The following NELL1 variants were observed in gnomAD, a reference collection of about 807,000 sequenced individuals.
NELL1 encodes the protein protein kinase C-binding protein NELL1.
NELL1 carries 76 observed loss-of-function variants against 107.4 expected under a neutral mutation model. The ratio of observed to expected loss-of-function variants is 0.71; its 90% CI spans 0.59 to 0.86. The LOEUF (loss-of-function observed/expected upper bound fraction) is 0.86, where lower values mean the gene tolerates loss of function less well. Among genes scored for constraint, NELL1 ranks in the 40% least tolerant of loss-of-function variants. NELL1 has a pLI of 0.00. For synonymous variants in NELL1, 353 were observed against 341.2 expected (o/e 1.03, Z -0.38); for missense variants, 1,024 against 1,005.5 (o/e 1.02, Z -0.25).
chr11:21,514,321 T>A (rs1855506824), intron 15 of NELL1, among the ~76,000 whole-genome samples: 6 of 152,216 alleles, frequency 3.9e-5, no homozygotes, highest in Admixed American at 3.9e-4. Flanking sequence ...AATGAAGATG[T>A]TGGAGTTCCA....
intron 4 of NELL1, among the ~76,000 whole-genome samples, chr11:20,868,389 G>T (rs528301406): frequency 2.0e-5 from 3 of 152,280 alleles, no homozygotes; most frequent in East Asian, 1.9e-4. Flanking sequence ...TGGGGGGAGG[G>T]TGAATGGAAA....
intron 13 of NELL1, among the ~76,000 whole-genome samples, chr11:21,215,243 C>T (rs1857588284): frequency 6.6e-6 from 1 of 152,142 alleles, no homozygotes; most frequent in Non-Finnish European, 1.5e-5. Flanking sequence ...CTTGTGGCCA[C>T]CATGTAAAGA....
intron 14 of NELL1, among the ~76,000 whole-genome samples, chr11:21,329,608 CT>C (rs369617765): frequency 2.2e-3 from 332 of 152,108 alleles, no homozygotes; most frequent in African/African-American, 7.8e-3. Context: ...ATAAATTATC[CT>C]TCTTTTTAAA....
intron 15 of NELL1, among the ~76,000 whole-genome samples, chr11:21,422,150 CAAGA>C (rs1852694473): frequency 6.6e-6 from 1 of 151,028 alleles, no homozygotes; most frequent in African/African-American, 2.4e-5. Context: ...TGTACACGTG[CAAGA>C]GAGAGAGAAG....
chr11:21,443,813 C>A (rs957429393), intron 15 of NELL1, among the ~76,000 whole-genome samples: 1 of 151,080 alleles, frequency 6.6e-6, no homozygotes, highest in Non-Finnish European at 1.5e-5. Context: ...TTACACCCTG[C>A]ACTCTACTGC....
chr11:20,678,897 G>C (rs1056358547), intron 2 of NELL1, among the ~76,000 whole-genome samples: 1 of 152,156 alleles, frequency 6.6e-6, no homozygotes, highest in African/African-American at 2.4e-5. Context: ...ATTCAAATCA[G>C]CAAAGTGATA....
intron 14 of NELL1, chr11:21,259,995 A>G (rs1858865019): frequency 6.6e-6 from 1 of 151,990 alleles, no homozygotes; most frequent in Non-Finnish European, 1.5e-5. Flanking sequence ...ACAACTCAGC[A>G]TAGTTCTCAA....
At chr11:20,798,035 G>A (rs1857208112) in intron 3 of NELL1, among the ~76,000 whole-genome samples, 1 of 152,200 alleles carries the variant, frequency 6.6e-6, no homozygotes, top group Non-Finnish European at 1.5e-5. Flanking sequence ...TGGATTCTGA[G>A]ATTCCATCAT....
intron 13 of NELL1, among the ~76,000 whole-genome samples, chr11:21,158,115 C>T (rs970727803): frequency 1.3e-5 from 2 of 152,172 alleles, no homozygotes; most frequent in African/African-American, 4.8e-5. Context: ...CTTTCTCCCA[C>T]ACTAGATGCT....
At chr11:21,123,217 T>C (rs1855410174) in intron 13 of NELL1, among the ~76,000 whole-genome samples, 1 of 152,104 alleles carries the variant, frequency 6.6e-6, no homozygotes, top group Non-Finnish European at 1.5e-5. Flanking sequence ...GAAAGATAAA[T>C]AGAATCAAGA....
At chr11:21,222,254 A>G (rs773784289) in intron 13 of NELL1, among the ~76,000 whole-genome samples, 1 of 152,084 alleles carries the variant, frequency 6.6e-6, no homozygotes, top group African/African-American at 2.4e-5. Context: ...ATCTTGGCTC[A>G]CTGCAAGCTC....
At position 21,357,495 on chromosome 11, in the gene NELL1, G is replaced by T. The variant is rs531461536; in HGVS notation, c.1550-13358G>T. ...TCATGTCCTTAGCCCACTTTTTAAA[G>T]GATTATTTGTTTTTTCTTGCTGACT... On this transcript the variant is annotated intron_variant, in intron 14 of 19. Coordinates refer to ENST00000357134, the MANE Select transcript of NELL1 (RefSeq NM_006157.5). Among the ~76,000 whole-genome samples, 8 of 152,110 alleles carry T rather than the reference G, an allele frequency of 5.3e-5. 1 individual carries two copies. The highest frequency in any genetic ancestry group is 1.4e-4 in the African/African-American group (6 of 41,480).
At chr11:21,414,515 T>G (rs1852457024) in intron 15 of NELL1, among the ~76,000 whole-genome samples, 1 of 138,348 alleles carries the variant, frequency 7.2e-6, no homozygotes, top group Non-Finnish European at 1.6e-5. Context: ...TAAGAGTCAC[T>G]GATACGGCAA....
chr11:21,520,546 G>C (rs1855694574), intron 15 of NELL1, among the ~76,000 whole-genome samples: 1 of 152,194 alleles, frequency 6.6e-6, no homozygotes, highest in Admixed American at 6.5e-5. Context: ...TGGAGATACA[G>C]AGGGAGCCTA....
At chr11:20,906,844 T>G (rs1204124271) in intron 5 of NELL1, among the ~76,000 whole-genome samples, 1 of 151,982 alleles carries the variant, frequency 6.6e-6, no homozygotes, top group African/African-American at 2.4e-5. Flanking sequence ...GAAACTTTCT[T>G]AACGTAATAA....
Position 21,282,480 on chromosome 11 carries a change from A to G in NELL1, c.1549+53026A>G, listed in dbSNP as rs936036170. On this transcript the variant is annotated intron_variant, in intron 14 of 19. Transcript: ENST00000357134. ...GGCAACACAGTGAGACTCTGTCTCA[A>G]AAAAAAAAAAAAAAAAAAGGCTTAT... is the stretch of plus-strand genomic sequence containing the variant. Among the ~76,000 whole-genome samples, 262 of 84,178 alleles carry G rather than the reference A, an allele frequency of 3.1e-3. 4 individuals are homozygous for G. In the East Asian group the frequency reaches 0.063, roughly 20 times the overall value. 55.2% of individuals were successfully genotyped at this position (84,178 alleles called of 152,430 possible). A position where few individuals can be genotyped will look rare whatever the true frequency, so the allele number is the denominator to read the frequency against.
At chr11:21,071,774 A>G (rs771715270) in intron 12 of NELL1, among the ~76,000 whole-genome samples, 1 of 152,178 alleles carries the variant, frequency 6.6e-6, no homozygotes. Flanking sequence ...AGGGGAGAGG[A>G]TGGAAAGTTC....
At chr11:20,939,618 A>G (rs1850806604) in intron 10 of NELL1, among the ~76,000 whole-genome samples, 1 of 152,180 alleles carries the variant, frequency 6.6e-6, no homozygotes, top group Non-Finnish European at 1.5e-5. Context: ...TCCTCTGTGT[A>G]AGGAGCCAGT....
intron 15 of NELL1, among the ~76,000 whole-genome samples, chr11:21,507,702 C>T (rs1018747634): frequency 4.7e-5 from 7 of 149,652 alleles, no homozygotes; most frequent in South Asian, 2.1e-4. Flanking sequence ...AAAATAAAGG[C>T]GATAATGAAA....
Sources: allele counts gnomAD v4.1 joint callset (sites outside exome capture counted in the v4.1 genomes callset), GRCh38; gene constraint gnomAD v4.1.1; transcripts MANE v1.5; gene names NCBI Gene and HGNC (gene_info 2026-07-23, HGNC 2026-07-21).